The following ABLIM2 variants were observed in gnomAD, a reference collection of about 807,000 sequenced individuals.
The protein encoded by ABLIM2 is actin-binding LIM protein 2.
ABLIM2 carries 53 observed loss-of-function variants against 97.7 expected under a neutral mutation model. That is an observed-to-expected ratio of 0.54 (90% confidence interval 0.44 to 0.68). The LOEUF (loss-of-function observed/expected upper bound fraction) is 0.68, where lower values mean the gene tolerates loss of function less well. ABLIM2 is among the 30% of genes least tolerant of loss of function. The pLI is 0.00. For missense variants in ABLIM2, 835 were observed against 867.2 expected, an observed-to-expected ratio of 0.96 and a Z score of 0.47; for synonymous variants, 361 against 345.8, an observed-to-expected ratio of 1.04 and a Z score of -0.49.
rs565705326 is a variant in ABLIM2 at position 8,089,590 on chromosome 4, C to A, written c.339-1306G>T. 4.6e-5 allele frequency among the ~76,000 whole-genome samples: 7 copies of A among 152,098 alleles called. No individual in the cohort carries two copies. In the South Asian group the frequency reaches 1.2e-3, roughly 27 times the overall value. On this transcript the variant is annotated intron_variant, in intron 3 of 20. Transcript: ENST00000447017. ...TCTCTACTAAAAACACAAAAATTAG[C>A]CATGCATGGTGGTGTGCACTTGTAA...
chr4:8,151,174 C>A (rs1712598774), intron 1 of ABLIM2, among the ~76,000 whole-genome samples: 1 of 152,156 alleles, frequency 6.6e-6, no homozygotes, highest in African/African-American at 2.4e-5. Context: ...GTGTGCCCAG[C>A]CCCAAAGCCA....
chr4:7,989,900 C>A (rs937117542), intron 17 of ABLIM2, among the ~76,000 whole-genome samples: 6 of 152,220 alleles, frequency 3.9e-5, no homozygotes, highest in Non-Finnish European at 8.8e-5. Flanking sequence ...GGGAGAGAAG[C>A]AGCAGGCCTC....
chr4:8,057,646 T>C (rs1201442211), intron 7 of ABLIM2, among the ~76,000 whole-genome samples: 1 of 152,090 alleles, frequency 6.6e-6, no homozygotes, highest in Admixed American at 6.6e-5. Flanking sequence ...AAAAGGAGTA[T>C]CTCATTATTT....
chr4:8,050,396 G>A (rs1795206324), intron 8 of ABLIM2, among the ~76,000 whole-genome samples: 1 of 152,180 alleles, frequency 6.6e-6, no homozygotes. Context: ...CCTCCCTACT[G>A]CAACCTTTCC....
intron 18 of ABLIM2, among the ~76,000 whole-genome samples, chr4:7,983,860 G>C (rs1741103058): frequency 6.6e-6 from 1 of 152,248 alleles, no homozygotes. Flanking sequence ...GGGCCACCCT[G>C]AGAAAGATGC....
chr4:8,063,617 T>C (rs1804933553), intron 6 of ABLIM2, among the ~76,000 whole-genome samples: 1 of 152,222 alleles, frequency 6.6e-6, no homozygotes, highest in Non-Finnish European at 1.5e-5. Flanking sequence ...GTGCAGAGCT[T>C]AAGCCCATGC....
intron 20 of ABLIM2, among the ~76,000 whole-genome samples, chr4:7,973,492 C>G (rs537410813): frequency 6.9e-6 from 1 of 145,900 alleles, no homozygotes; most frequent in South Asian, 2.2e-4. Context: ...CAGAGTGAGA[C>G]TACGTCTTGA....
chr4:8,016,503 C>G (rs1769333643), intron 14 of ABLIM2, among the ~76,000 whole-genome samples: 1 of 152,182 alleles, frequency 6.6e-6, no homozygotes, highest in East Asian at 1.9e-4. Flanking sequence ...CCAGGGGAGA[C>G]AGACTCTGAG....
rs138105749 is a variant in ABLIM2, at chr4:8,128,489, T to C, written c.11-21852A>G. On this transcript the variant is annotated intron_variant, in intron 1 of 20. Transcript: ENST00000447017. This position sits in a 1 kb window ranked among gnomAD's most constrained non-coding sequence, Gnocchi z 4.9. ...GGCTAGCACCACGCAGAACAGAGTT[T>C]TAGATTTTATTTAATTTTAATTCAA... Among the ~76,000 whole-genome samples, 1 of 152,198 alleles carries C rather than the reference T, an allele frequency of 6.6e-6. No individual in the cohort carries two copies. The highest frequency in any genetic ancestry group is 2.4e-5 in the African/African-American group (1 of 41,506).
rs1849507589 is a variant in ABLIM2 at position 8,132,001 on chromosome 4, A to AGCCCGAATCCCCTGCACG, written c.11-25365_11-25364insCGTGCAGGGGATTCGGGC. On this transcript the variant is annotated intron_variant, in intron 1 of 20. Coordinates refer to ENST00000447017, the MANE Select transcript of ABLIM2 (RefSeq NM_001130083.2). The surrounding 1 kb of genome is among the most constrained non-coding windows in gnomAD (Gnocchi z 8.0). ...GCACGGCAGCCCGCATCCCCTGCACAGCAGCCCGCATCCCCTGCACGGCAG... is the reference window on the plus strand; with the variant it reads ...GCACGGCAGCCCGCATCCCCTGCACAGCCCGAATCCCCTGCACGGCAGCCCGCATCCCCTGCACGGCAG... Among the ~76,000 whole-genome samples, 1 of 143,278 alleles carries AGCCCGAATCCCCTGCACG rather than the reference A, an allele frequency of 7.0e-6. No homozygotes were observed. The highest frequency in any genetic ancestry group is 1.5e-5 in the Non-Finnish European group (1 of 67,600). 94.0% of individuals were successfully genotyped at this position (143,278 alleles called of 152,430 possible). A position where few individuals can be genotyped will look rare whatever the true frequency, so the allele number is the denominator to read the frequency against.
intron 16 of ABLIM2, chr4:8,007,250 A>T: frequency 1.0e-6 from 1 of 985,342 alleles, no homozygotes; most frequent in South Asian, 4.7e-5. Flanking sequence ...GTCTCCTAAC[A>T]CCTGGCGCCC....
intron 9 of ABLIM2, among the ~76,000 whole-genome samples, chr4:8,039,361 C>CT (rs1786613390): frequency 6.6e-6 from 1 of 152,218 alleles, no homozygotes; most frequent in African/African-American, 2.4e-5. Flanking sequence ...CTTCCTCAGG[C>CT]TTCCCTGAAC....
rs978986966 is a variant in ABLIM2 at position 8,002,153 on chromosome 4, G to A, written c.1618+5906C>T. Among the ~76,000 whole-genome samples, 20 of 152,132 alleles carry A rather than the reference G, an allele frequency of 1.3e-4. No individual in the cohort carries two copies. The highest frequency in any genetic ancestry group is 2.5e-4 in the Non-Finnish European group (17 of 68,020). On this transcript the variant is annotated intron_variant, in intron 16 of 20. Coordinates refer to ENST00000447017, the MANE Select transcript of ABLIM2 (RefSeq NM_001130083.2). The surrounding 1 kb of genome is among the most constrained non-coding windows in gnomAD (Gnocchi z 6.1). ...CGGTTCCAGTCCCATCTGGGAGCCG[G>A]GGACCCTCAGTCTCTGCCTCCAGCC...
intron 6 of ABLIM2, 106 bp downstream of exon 6, chr4:8,077,522 G>T: frequency 1.8e-6 from 2 of 1,140,142 alleles, no homozygotes; most frequent in Non-Finnish European, 2.5e-6. Context: ...TGAAGCTGCA[G>T]CCAGACAGAT....
At chr4:8,060,379 G>C (rs2152102770) in intron 7 of ABLIM2, among the ~76,000 whole-genome samples, 1 of 152,228 alleles carries the variant, frequency 6.6e-6, no homozygotes, top group East Asian at 1.9e-4. Flanking sequence ...AGGGGGCCTG[G>C]GCCATTTCCC....
At chr4:8,119,635 T>G (rs1020994448) in intron 1 of ABLIM2, among the ~76,000 whole-genome samples, 1 of 152,338 alleles carries the variant, frequency 6.6e-6, no homozygotes, top group East Asian at 1.9e-4. Context: ...CTGGGCTTCC[T>G]TCTTACTAAA....
rs2152662973 is a variant in ABLIM2 at position 8,097,182 on chromosome 4, G to A, written c.255C>T (p.Ser85=). 2 of 1,603,886 alleles carry A rather than the reference G, an allele frequency of 1.2e-6. No homozygotes were observed. The highest frequency in any genetic ancestry group is 4.5e-5 in the East Asian group (2 of 44,312). The change falls in exon 3 of 21, where the codon AGC becomes AGT. Residue 85 remains serine (S), a synonymous_variant. Transcript: ENST00000447017. ...CCTCACCCTCAATGAACTGGTCGCA[G>A]CTGAAGCAGCGGGTGCCGTAGAGCC... ...YQRLYGTRCF[S]CDQFIEGEVV...
At chr4:8,048,627 G>A (rs1432726494) in intron 8 of ABLIM2, among the ~76,000 whole-genome samples, 2 of 152,188 alleles carry the variant, frequency 1.3e-5, no homozygotes, top group Non-Finnish European at 2.9e-5. Flanking sequence ...CTCCCATTCA[G>A]CCGGAACGGC....
At chr4:7,976,942 T>C (rs1733933596) in intron 20 of ABLIM2, among the ~76,000 whole-genome samples, 1 of 151,878 alleles carries the variant, frequency 6.6e-6, no homozygotes, top group Non-Finnish European at 1.5e-5. Flanking sequence ...CATATCCACA[T>C]ACATACATAC....
Sources: allele counts gnomAD v4.1 joint callset (sites outside exome capture counted in the v4.1 genomes callset), GRCh38; gene constraint gnomAD v4.1.1; non-coding constraint Gnocchi (gnomAD v3.1); transcripts MANE v1.5; gene names NCBI Gene and HGNC (gene_info 2026-07-23, HGNC 2026-07-21).